OVGP1: variants seen among roughly 807,000 people sequenced by gnomAD.
OVGP1 encodes the protein oviduct-specific glycoprotein.
OVGP1 carries 26 observed loss-of-function variants against 48.2 expected under a neutral mutation model. The observed-to-expected ratio is 0.54, with a 90% CI of 0.40 to 0.75. OVGP1 has a LOEUF of 0.75. Among genes scored for constraint, OVGP1 ranks in the 30% least tolerant of loss-of-function variants. The pLI, the probability that OVGP1 is intolerant of heterozygous loss-of-function variation, is 0.00. For synonymous variants in OVGP1, 294 were observed against 305.7 expected (o/e 0.96, Z 0.40); for missense variants, 791 against 820.6 (o/e 0.96, Z 0.44).
chr1:111,423,061 AAGAC>A lies in OVGP1; in HGVS notation c.484-14_484-11del. ...AGGCAAACAGGAGCTCCTAAGAGGA[AAGAC>A]AGAAAGACACAGAGAACTGGACAAA... On this transcript the variant is annotated splice_polypyrimidine_tract_variant and intron_variant, in intron 5 of 10. Transcript: ENST00000369732. 6.2e-7 allele frequency: 1 copy of A among 1,613,842 alleles called. No homozygotes were observed. The highest frequency in any genetic ancestry group is 8.5e-7 in the Non-Finnish European group (1 of 1,179,974).
At position 111,423,033 on chromosome 1, in the gene OVGP1, G is replaced by A. The variant is rs369849179; in HGVS notation, c.502C>T (p.Arg168Trp). ...FLIEELLFAFRKEALLTMRPR... is the reference protein window; with the variant it reads ...FLIEELLFAFWKEALLTMRPR... ...CGCATGGTGAGCAGTGCCTCCTTCCGGAAGGCAAACAGGAGCTCCTAAGAG... is the reference window on the plus strand; with the variant it reads ...CGCATGGTGAGCAGTGCCTCCTTCCAGAAGGCAAACAGGAGCTCCTAAGAG... The change falls in exon 6 of 11, where the codon CGG becomes TGG. Residue 168 changes from arginine to tryptophan, a missense_variant. Physicochemically the swap from Arg to Trp is moderately radical, Grantham distance 101 (BLOSUM62 -3). Transcript: ENST00000369732. 1.9e-5 allele frequency: 30 copies of A among 1,613,914 alleles called. No homozygotes were observed. The highest frequency in any genetic ancestry group is 1.6e-4 in the Middle Eastern group (1 of 6,084).
At chr1:111,427,145 G>C in intron 1 of OVGP1, 54 bp from the exon 2 acceptor site, 1 of 1,612,920 alleles carries the variant, frequency 6.2e-7, no homozygotes, top group Non-Finnish European at 8.5e-7. Context: ...CACCAGAGTG[G>C]TATGGCACAG....
chr1:111,423,589 C>G lies in OVGP1; in HGVS notation c.437G>C (p.Arg146Thr), dbSNP rs1652327153. The change falls in exon 5 of 11, where the codon AGA becomes ACA. Residue 146 changes from arginine to threonine, a missense_variant. By Grantham distance (71) the Arg-to-Thr change is moderately conservative (BLOSUM62 -1). Coordinates refer to ENST00000369732, the MANE Select transcript of OVGP1 (RefSeq NM_002557.4). ...CCACCGGTCATGCATGGGGCTGCCT[C>G]TTAGTCCAGGATATAAGAAGAAAAG... The part of the protein sequence containing the change: ...LDLFFLYPGL[R>T]GSPMHDRWTF... 1.2e-6 allele frequency: 2 copies of G among 1,614,172 alleles called. No homozygotes were observed. The highest frequency in any genetic ancestry group is 1.7e-6 in the Non-Finnish European group (2 of 1,180,026).
intron 7 of OVGP1, 28 bp downstream of exon 7, chr1:111,421,537 G>A: frequency 6.2e-7 from 1 of 1,607,496 alleles, no homozygotes; most frequent in South Asian, 1.1e-5. Flanking sequence ...CAGATGTCTG[G>A]ACCACCTGAG....
Position 111,415,313 on chromosome 1 carries a change from C to A in OVGP1, c.1188G>T (p.Trp396Cys), listed in dbSNP as rs377114652. 3.1e-6 allele frequency: 5 copies of A among 1,611,120 alleles called. No homozygotes were observed. Among genetic ancestry groups the A allele is most frequent in the Non-Finnish European group, 4.2e-6 (5 of 1,178,054 alleles). The change falls in exon 11 of 11, where the codon TGG becomes TGT. Residue 396 changes from tryptophan (W) to cysteine (C), a missense_variant. Coordinates refer to ENST00000369732, the MANE Select transcript of OVGP1 (RefSeq NM_002557.4). Reference protein sequence around the residue: ...EFSSTSLPQFWLSSAVNSSST... With the variant: ...EFSSTSLPQFCLSSAVNSSST... ...TTGAAGAATTCACAGCAGATGACAG[C>A]CAAAATTGTGGTAAAGAAGTTGAAC...
intron 6 of OVGP1, 39 bp from the exon 7 acceptor site, chr1:111,421,712 AG>A (rs1652276677): frequency 2.3e-6 from 3 of 1,289,206 alleles, no homozygotes; most frequent in Non-Finnish European, 3.4e-6. Context: ...AGACTGGGCT[AG>A]CCAGATTTTC....
intron 6 of OVGP1, among the ~76,000 whole-genome samples, chr1:111,421,910 G>C (rs183271588): frequency 4.6e-5 from 7 of 152,300 alleles, no homozygotes; most frequent in Admixed American, 1.3e-4. Flanking sequence ...AGGTAGGCAG[G>C]AGTTAGATGA....
At chr1:111,426,686 G>A (rs778021691) in intron 2 of OVGP1, 45 bp from the exon 3 acceptor site, 91 of 1,590,618 alleles carry the variant, frequency 5.7e-5, no homozygotes, top group Non-Finnish European at 7.6e-5. Context: ...CCAAGGGAGG[G>A]GATGGAGCTC....
chr1:111,416,552 T>C (rs1652142726), intron 9 of OVGP1, 94 bp from the exon 10 acceptor site: 1 of 1,142,862 alleles, frequency 8.7e-7, no homozygotes, highest in Non-Finnish European at 1.2e-6. Context: ...CAGGAAGCAA[T>C]GTAGCTGGGT....
intron 5 of OVGP1, 58 bp from the exon 6 acceptor site, chr1:111,423,109 G>A (rs1652314149): frequency 1.0e-5 from 16 of 1,606,466 alleles, no homozygotes; most frequent in Non-Finnish European, 1.4e-5. Flanking sequence ...CGGGGCCTGG[G>A]GGGAGTGTCA....
intron 6 of OVGP1, among the ~76,000 whole-genome samples, chr1:111,422,342 C>G (rs1652292540): frequency 6.6e-6 from 1 of 152,206 alleles, no homozygotes; most frequent in South Asian, 2.1e-4. Context: ...AGGAACATCC[C>G]ATTTCTGTTT....
chr1:111,415,127 T>C lies in OVGP1; in HGVS notation c.1374A>G (p.Val458=), dbSNP rs1553192459. 7.4e-6 allele frequency: 12 copies of C among 1,614,052 alleles called. No individual in the cohort carries two copies. The highest frequency in any genetic ancestry group is 2.2e-5 in the South Asian group (2 of 91,086). Residue 458 remains valine (V), a synonymous_variant, in exon 11 of 11, where the codon GTA becomes GTG. Coordinates refer to ENST00000369732, the MANE Select transcript of OVGP1 (RefSeq NM_002557.4). The part of the protein sequence containing the change: ...GTTVTPTKET[V]SLGKHTVALG... ...GAGCTACAGTGTGCTTTCCAAGGGA[T>C]ACAGTTTCCTTTGTAGGGGTCACAG...
rs752650504 is a variant in OVGP1, at chr1:111,425,420, G to A, written c.280C>T (p.Leu94=). ...AAGTTCCACCCGCCGATGGACAGTAGTGTTTTCAGCTCTCTGTTCCTATGA... is the reference window on the plus strand; with the variant it reads ...AAGTTCCACCCGCCGATGGACAGTAATGTTTTCAGCTCTCTGTTCCTATGA... ...LKERNRELKT[L]LSIGGWNFGT... The change falls in exon 4 of 11, where the codon CTA becomes TTA. Residue 94 remains leucine, a synonymous_variant. Coordinates refer to ENST00000369732, the MANE Select transcript of OVGP1 (RefSeq NM_002557.4). 1.9e-6 allele frequency: 3 copies of A among 1,614,104 alleles called. No individual in the cohort carries two copies. The highest frequency in any genetic ancestry group is 2.5e-6 in the Non-Finnish European group (3 of 1,179,990).
At chr1:111,423,075 C>G (rs377360086) in intron 5 of OVGP1, 24 bp from the exon 6 acceptor site, 1 of 1,613,622 alleles carries the variant, frequency 6.2e-7, no homozygotes, top group Non-Finnish European at 8.5e-7. Context: ...CAGAAAGACA[C>G]AGAGAACTGG....
chr1:111,419,548 A>G (rs1317083388), intron 9 of OVGP1, 62 bp downstream of exon 9: 2 of 952,440 alleles, frequency 2.1e-6, no homozygotes, highest in Non-Finnish European at 3.5e-6. Context: ...TTGTACAAAT[A>G]AGGACCCCAT....
intron 8 of OVGP1, 41 bp downstream of exon 8, chr1:111,421,235 G>C (rs1313030243): frequency 2.6e-6 from 4 of 1,539,412 alleles, no homozygotes; most frequent in Non-Finnish European, 3.5e-6. Context: ...CTGGGGGTGG[G>C]AGAGTCCTAA....
chr1:111,426,553 G>A lies in OVGP1; in HGVS notation c.144C>T (p.Pro48=). The change falls in exon 3 of 11, where the codon CCC becomes CCT. Residue 48 remains proline (P), a synonymous_variant. Transcript: ENST00000369732. The stretch of plus-strand genomic sequence containing the variant: ...CAAATATCAGGTGGGTGCAGAGAAA[G>A]GGGTCCAGGTCATGGGGCAAGATCG... ...PASILPHDLD[P]FLCTHLIFAF... is the part of the protein sequence containing the mutation. The A allele has an allele frequency of 1.2e-6, 2 of 1,614,140 alleles. No individual in the cohort carries two copies. Among genetic ancestry groups the A allele is most frequent in the South Asian group, 2.2e-5 (2 of 91,086 alleles).
chr1:111,419,077 C>A (rs1352557490), intron 9 of OVGP1, among the ~76,000 whole-genome samples: 1 of 152,108 alleles, frequency 6.6e-6, no homozygotes, highest in Non-Finnish European at 1.5e-5. Context: ...GACTGAACAC[C>A]TTTACCAGCA....
At chr1:111,420,255 A>G (rs1257917775) in intron 8 of OVGP1, among the ~76,000 whole-genome samples, 1 of 152,192 alleles carries the variant, frequency 6.6e-6, no homozygotes, top group Non-Finnish European at 1.5e-5. Context: ...GCTAAAAACT[A>G]TATGCTGCAA....
Sources: allele counts gnomAD v4.1 joint callset (sites outside exome capture counted in the v4.1 genomes callset), GRCh38; gene constraint gnomAD v4.1.1; transcripts MANE v1.5; gene names NCBI Gene and HGNC (gene_info 2026-07-23, HGNC 2026-07-21).